Variants in LAMA3 observed in about 807,000 individuals in gnomAD.
The protein encoded by LAMA3 is laminin subunit alpha-3.
Under a neutral mutation model 402.0 loss-of-function variants are expected in LAMA3, and 281 were observed. That is an observed-to-expected ratio of 0.70 (90% CI 0.63 to 0.77). The LOEUF is 0.77. Ranked by LOEUF, LAMA3 falls within the 30% of genes least tolerant of loss-of-function variation. The pLI is 0.00. For synonymous variants in LAMA3, 1,431 were observed against 1,558.4 expected (o/e 0.92, Z 1.93); for missense variants, 3,840 against 4,215.5 (o/e 0.91, Z 2.47).
chr18:23,695,825 A>G (rs2060675370), intron 1 of LAMA3, among the ~76,000 whole-genome samples: 2 of 147,400 alleles, frequency 1.4e-5, no homozygotes, highest in South Asian at 2.1e-4. Flanking sequence ...AAAAAAAAAA[A>G]AAAAAAAAAA....
intron 64 of LAMA3, among the ~76,000 whole-genome samples, 198 bp from the exon 65 acceptor site, chr18:23,930,864 T>C (rs1202116274): frequency 5.3e-5 from 8 of 152,240 alleles, no homozygotes; most frequent in Non-Finnish European, 1.0e-4. Context: ...TTGACATAAT[T>C]TGCATAAGAT....
In LAMA3 at chr18:23,902,867, C is replaced by T. The variant is rs1405895862; in HGVS notation, c.6202-142C>T. Reference sequence around the variant, plus strand: ...TACAAAAAGAACTGATTTCCTATCACTTTGTAATTGCCTAGACAATGTTCA... The same window carrying T: ...TACAAAAAGAACTGATTTCCTATCATTTTGTAATTGCCTAGACAATGTTCA... On this transcript the variant is annotated intron_variant, in intron 48 of 74. Coordinates refer to ENST00000313654, the MANE Select transcript of LAMA3 (RefSeq NM_198129.4). The T allele has an allele frequency of 1.0e-5, 7 of 682,244 alleles. No homozygotes were observed. In the Admixed American group the frequency reaches 1.1e-4, roughly 10 times the overall value. 42.3% of individuals were successfully genotyped at this position (682,244 alleles called of 1,614,324 possible).
chr18:23,690,433 A>G lies in LAMA3; in HGVS notation c.294+456A>G, dbSNP rs563851666. Among the ~76,000 whole-genome samples, 28 of 152,330 alleles carry G rather than the reference A, an allele frequency of 1.8e-4. No individual in the cohort carries two copies. The South Asian group carries it at 5.6e-3, about 30-fold the overall frequency. On this transcript the variant is annotated intron_variant, in intron 1 of 74. Transcript: ENST00000313654. The stretch of plus-strand genomic sequence containing the variant: ...TATTTTAAGAGAGAATTTTTAGGTT[A>G]TAACAGCGGTATCACTCTAATGTTA...
intron 2 of LAMA3, among the ~76,000 whole-genome samples, chr18:23,723,610 T>C (rs2061249911): frequency 6.6e-6 from 1 of 152,164 alleles, no homozygotes. Flanking sequence ...TACTTTCTTC[T>C]GTAAATCTCA....
In LAMA3 at chr18:23,748,004, T is replaced by G. The variant is rs1254815625; in HGVS notation, c.509T>G (p.Val170Gly). 3 of 1,613,848 alleles carry G rather than the reference T, an allele frequency of 1.9e-6. No homozygotes were observed. The highest frequency in any genetic ancestry group is 2.5e-6 in the Non-Finnish European group (3 of 1,179,694). ...AATTCTCCTCGCCCTGATCTTTGGG[T>G]CTTGGAAAGATCTGTAGACTTTGGA... The part of the protein sequence containing the change: ...FANSPRPDLW[V>G]LERSVDFGST... The change falls in exon 3 of 75, where the codon GTC becomes GGC. Residue 170 changes from valine (V) to glycine (G), a missense_variant. By Grantham distance (109) the Val-to-Gly change is moderately radical. This residue lies in a region of LAMA3 where 2,109 missense variants were observed against 2,376.0 expected (regional missense o/e 0.89). Coordinates refer to ENST00000313654, the MANE Select transcript of LAMA3 (RefSeq NM_198129.4).
At chr18:23,695,123 C>T (rs1001878372) in intron 1 of LAMA3, among the ~76,000 whole-genome samples, 1 of 152,158 alleles carries the variant, frequency 6.6e-6, no homozygotes, top group Non-Finnish European at 1.5e-5. Flanking sequence ...ACTGGACTCC[C>T]AGAAGCTGGA....
chr18:23,777,519 A>G (rs1250280275), intron 10 of LAMA3, 38 bp from the exon 11 acceptor site: 6 of 1,357,498 alleles, frequency 4.4e-6, no homozygotes, highest in Non-Finnish European at 5.3e-6. Flanking sequence ...CTATCTCCTT[A>G]ATCATCCTCT....
Position 23,837,078 on chromosome 18 carries a change from C to T in LAMA3, c.3082C>T (p.Arg1028Ter), listed in dbSNP as rs763594249. Residue 1028 changes from arginine (R) to a stop codon, truncating the protein, a stop_gained, in exon 25 of 75, where the codon CGA (arginine) becomes TGA (stop). Transcript: ENST00000313654. LOFTEE classifies it high-confidence loss of function. ...ADIQLKGHMA[R>*]FLLHQVCIIP... ...CATTCAGCTCAAGGGACACATGGCC[C>T]GATTCCTTCTGGTATGCTTCTGTTT... is the stretch of plus-strand genomic sequence containing the variant. The T allele has an allele frequency of 1.7e-5, 28 of 1,606,854 alleles. No homozygotes were observed. Among genetic ancestry groups the T allele is most frequent in the East Asian group, 2.2e-5 (1 of 44,848 alleles).
chr18:23,903,170 A>G (rs2081130992), intron 49 of LAMA3, 45 bp downstream of exon 49: 2 of 1,198,352 alleles, frequency 1.7e-6, no homozygotes, highest in Non-Finnish European at 1.2e-6. Flanking sequence ...AAACATTTTA[A>G]TTATATTGTG....
chr18:23,707,248 C>G (rs780883365), intron 1 of LAMA3, among the ~76,000 whole-genome samples: 1 of 152,192 alleles, frequency 6.6e-6, no homozygotes, highest in Non-Finnish European at 1.5e-5. Context: ...CGCTAACATA[C>G]AAGGTAGCTT....
chr18:23,728,247 A>T (rs2061331546), intron 2 of LAMA3, among the ~76,000 whole-genome samples: 1 of 152,104 alleles, frequency 6.6e-6, no homozygotes, highest in East Asian at 1.9e-4. Flanking sequence ...TTCTGTGCCC[A>T]GTGACCCAGG....
At chr18:23,896,106 C>A (rs1007532335) in intron 44 of LAMA3, among the ~76,000 whole-genome samples, 5 of 152,114 alleles carry the variant, frequency 3.3e-5, no homozygotes, top group African/African-American at 1.2e-4. Flanking sequence ...GAGGCCGAGG[C>A]GGGTAGATCA....
chr18:23,811,668 A>G (rs2144294422), intron 13 of LAMA3, among the ~76,000 whole-genome samples: 1 of 152,152 alleles, frequency 6.6e-6, no homozygotes, highest in South Asian at 2.1e-4. Flanking sequence ...ATGGAAAACA[A>G]ACAGCTGGAA....
Position 23,713,998 on chromosome 18 carries a change from C to G in LAMA3, c.373C>G (p.Arg125Gly). Residue 125 changes from arginine to glycine, a missense_variant, in exon 2 of 75, where the codon CGT (arginine) becomes GGT (glycine). Physicochemically the swap from Arg to Gly is moderately radical, Grantham distance 125. Transcript: ENST00000313654. ...CACCAATGCCATCGATGGATCTGAA[C>G]GTTGGTGGCAAAGCCCTCCCCTGTC... ...PVTNAIDGSE[R>G]WWQSPPLSSG... is the part of the protein sequence containing the mutation. 4 of 1,613,566 alleles carry G rather than the reference C, an allele frequency of 2.5e-6. No homozygotes were observed. The highest frequency in any genetic ancestry group is 3.4e-6 in the Non-Finnish European group (4 of 1,179,898).
intron 1 of LAMA3, among the ~76,000 whole-genome samples, chr18:23,711,534 G>A (rs536047603): frequency 7.9e-5 from 12 of 152,296 alleles, no homozygotes; most frequent in South Asian, 2.1e-4. Context: ...AGGAAATAAC[G>A]TATGTTAGTG....
In LAMA3 at chr18:23,719,684, T is replaced by C. The variant is rs901240644; in HGVS notation, c.447+5612T>C. On this transcript the variant is annotated intron_variant, in intron 2 of 74. Coordinates refer to ENST00000313654, the MANE Select transcript of LAMA3 (RefSeq NM_198129.4). ...ATTCTAGAATCTTTTTTTTTTTTTTTTTCCTGATTCCCTTCAACTTTTATG... is the reference window on the plus strand; with the variant it reads ...ATTCTAGAATCTTTTTTTTTTTTTTCTTCCTGATTCCCTTCAACTTTTATG... 2.0e-5 allele frequency among the ~76,000 whole-genome samples: 3 copies of C among 152,192 alleles called. No homozygotes were observed. In the South Asian group the frequency reaches 6.2e-4, roughly 32 times the overall value.
chr18:23,813,553 CTTTTTTTTTTT>C (rs1164123647), intron 14 of LAMA3, among the ~76,000 whole-genome samples: 1 of 115,006 alleles, frequency 8.7e-6, no homozygotes, highest in African/African-American at 3.4e-5. Context: ...TCTTTTCTTT[CTTTTTTTTTTT>C]TTTTTTTTTG....
At chr18:23,941,391 G>A (rs1465329804) in intron 68 of LAMA3, among the ~76,000 whole-genome samples, 2 of 139,184 alleles carry the variant, frequency 1.4e-5, no homozygotes, top group African/African-American at 2.6e-5. Flanking sequence ...AACTTCTAAC[G>A]ATTCAACCCC....
At chr18:23,867,552 CAAAAAAAAAAA>C (rs60964764) in intron 36 of LAMA3, among the ~76,000 whole-genome samples, 2 of 96,362 alleles carry the variant, frequency 2.1e-5, no homozygotes, top group East Asian at 3.9e-4. Context: ...CCATCCCTGC[CAAAAAAAAAAA>C]AAAAAGAAAA....
Sources: gnomAD v4.1 joint callset for allele counts (sites outside exome capture counted in the v4.1 genomes callset) on GRCh38, gnomAD v4.1.1 for gene constraint, gnomAD v4.1.1 regional missense constraint, MANE v1.5 for transcripts, NCBI Gene and HGNC (gene_info 2026-07-23, HGNC 2026-07-21) for gene names.